The following STAT4 variants were observed in gnomAD, a reference collection of about 807,000 sequenced individuals.
STAT4 encodes signal transducer and activator of transcription 4.
Under a neutral mutation model 110.5 loss-of-function variants are expected in STAT4, and 42 were observed. That is an observed-to-expected ratio of 0.38 (90% confidence interval 0.30 to 0.49). The LOEUF is 0.49. STAT4 is among the 20% of genes least tolerant of loss of function. STAT4 has a pLI of 0.95. For missense variants in STAT4, 632 were observed against 887.9 expected, an observed-to-expected ratio of 0.71 and a Z score of 3.66; for synonymous variants, 284 against 302.2, an observed-to-expected ratio of 0.94 and a Z score of 0.63.
At chr2:191,097,063 G>A (rs184318730) in intron 3 of STAT4, among the ~76,000 whole-genome samples, 97 of 152,242 alleles carry the variant, frequency 6.4e-4, no homozygotes, top group African/African-American at 2.2e-3. Flanking sequence ...CAACTTACAA[G>A]GGATGTGAAG....
At position 191,148,254 on chromosome 2, in the gene STAT4, T is replaced by C. The variant is rs184103469; in HGVS notation, c.-1-50A>G. The C allele has an allele frequency of 1.9e-3, 3,034 of 1,572,686 alleles. 3 individuals carry two copies. Among genetic ancestry groups the C allele is most frequent in the Non-Finnish European group, 2.4e-3 (2,840 of 1,161,274 alleles). ...AGTTTTAAAATATTGTTCATAGCCC[T>C]AGTACATATTTTCTTCTTTCCTTAG... On this transcript the variant is annotated intron_variant, in intron 1 of 23. Transcript: ENST00000392320.
At position 191,053,867 on chromosome 2, in the gene STAT4, G is replaced by A. The variant is rs188955631; in HGVS notation, c.1251+623C>T. Among the ~76,000 whole-genome samples, 7 of 152,248 alleles carry A rather than the reference G, an allele frequency of 4.6e-5. No individual in the cohort carries two copies. The highest frequency in any genetic ancestry group is 4.8e-5 in the African/African-American group (2 of 41,534). On this transcript the variant is annotated intron_variant, in intron 14 of 23. Transcript: ENST00000392320. This position sits in a 1 kb window ranked among gnomAD's most constrained non-coding sequence, Gnocchi z 4.5. ...CTCCGGGCTGGGCACGGTGGCTCAC[G>A]CCTATAATCCCAGCATTTTGGGAGA...
chr2:191,036,322 A>G (rs753055619), intron 16 of STAT4, 23 bp from the exon 17 acceptor site: 2 of 1,613,100 alleles, frequency 1.2e-6, no homozygotes, highest in Non-Finnish European at 1.7e-6. Flanking sequence ...CAAGATGATA[A>G]TTTGTTAATT....
At chr2:191,118,383 C>T (rs914161018) in intron 3 of STAT4, among the ~76,000 whole-genome samples, 1 of 151,958 alleles carries the variant, frequency 6.6e-6, no homozygotes, top group African/African-American at 2.4e-5. Context: ...ATAATTGGGG[C>T]CTATTTTTTA....
In STAT4 at chr2:191,144,053, T is replaced by C; in HGVS notation, c.273+2560A>G. ...GGAAGCACAAGAAAGAGCAAGTGTT[T>C]TTTTCAACTCAAATATCTTAATTCA... On this transcript the variant is annotated intron_variant, in intron 3 of 23. Coordinates refer to ENST00000392320, the MANE Select transcript of STAT4 (RefSeq NM_003151.4). The surrounding 1 kb of genome is among the most constrained non-coding windows in gnomAD (Gnocchi z 4.7). Among the ~76,000 whole-genome samples, 1 of 152,204 alleles carries C rather than the reference T, an allele frequency of 6.6e-6. No homozygotes were observed. The highest frequency in any genetic ancestry group is 1.9e-4 in the East Asian group (1 of 5,198).
At chr2:191,111,845 G>A (rs113513767) in intron 3 of STAT4, among the ~76,000 whole-genome samples, 6 of 152,242 alleles carry the variant, frequency 3.9e-5, no homozygotes, top group African/African-American at 7.2e-5. Flanking sequence ...GAGCAACAGG[G>A]AAAGACCCTA....
chr2:191,129,110 A>G (rs1052756585), intron 3 of STAT4, among the ~76,000 whole-genome samples: 1 of 152,234 alleles, frequency 6.6e-6, no homozygotes, highest in African/African-American at 2.4e-5. Flanking sequence ...TTTGCTGACT[A>G]AATAAAATTT....
intron 5 of STAT4, among the ~76,000 whole-genome samples, chr2:191,072,508 T>A (rs1697194177): frequency 6.6e-6 from 1 of 152,232 alleles, no homozygotes. Flanking sequence ...TATGGGACTG[T>A]TGATCTTTAA....
chr2:191,129,004 A>G (rs940137192), intron 3 of STAT4, among the ~76,000 whole-genome samples: 1 of 152,162 alleles, frequency 6.6e-6, no homozygotes, highest in Non-Finnish European at 1.5e-5. Context: ...AAGCAATTAA[A>G]TGTGAATTTT....
chr2:191,031,481 C>T lies in STAT4; in HGVS notation c.2080G>A (p.Val694Ile). The change falls in exon 22 of 24, where the codon GTT (valine) becomes ATT (isoleucine). Residue 694 changes from valine to isoleucine, a missense_variant. By Grantham distance (29) the Val-to-Ile change is conservative (BLOSUM62 3). Around this residue, in one of 4 missense-constraint regions of STAT4, gnomAD observed 32 missense variants for 67.6 expected, o/e 0.47. Transcript: ENST00000392320. This position sits in a 1 kb window ranked among gnomAD's most constrained non-coding sequence, Gnocchi z 4.8. ...GAGATGGGGATAAAAACAGAAGGAA[C>T]ATAACCTTTGTCACCCCTTTCTGTT... is the stretch of plus-strand genomic sequence containing the variant. Reference protein sequence around the residue: ...RPTERGDKGYVPSVFIPISTI... With the variant: ...RPTERGDKGYIPSVFIPISTI... The T allele has an allele frequency of 6.2e-7, 1 of 1,613,304 alleles. No homozygotes were observed.
At chr2:191,038,232 C>CTGGTAAG (rs1696096625) in intron 16 of STAT4, among the ~76,000 whole-genome samples, 1 of 152,082 alleles carries the variant, frequency 6.6e-6, no homozygotes, top group African/African-American at 2.4e-5. Context: ...GGCGATTTCT[C>CTGGTAAG]TGGTAAGTTC....
chr2:191,036,417 G>C (rs1481758712), intron 16 of STAT4, 118 bp from the exon 17 acceptor site: 2 of 1,070,446 alleles, frequency 1.9e-6, no homozygotes, highest in Non-Finnish European at 1.3e-6. Flanking sequence ...AGTGTTGGGT[G>C]ACTATTAGGT....
At position 191,034,563 on chromosome 2, in the gene STAT4, C is replaced by T. The variant is rs1218110907; in HGVS notation, c.1605G>A (p.Trp535Ter). The change falls in exon 18 of 24, where the codon TGG becomes TGA. Residue 535 changes from tryptophan (W) to a stop codon, truncating the protein, a stop_gained. Transcript: ENST00000392320. LOFTEE classifies it high-confidence loss of function. Reference protein sequence around the residue: ...QSSYSDGHLTWAKFCKEHLPG... With the variant: ...QSSYSDGHLT ...CCGTTTGTACCTTGCAGAACTTGGC[C>T]CAGGTGAGGTGACCATCACTGTAGC... 1.2e-6 allele frequency: 2 copies of T among 1,613,528 alleles called. No individual in the cohort carries two copies. Among genetic ancestry groups the T allele is most frequent in the Non-Finnish European group, 1.7e-6 (2 of 1,179,640 alleles).
chr2:191,127,528 T>A (rs1311443910), intron 3 of STAT4, among the ~76,000 whole-genome samples: 1 of 152,250 alleles, frequency 6.6e-6, no homozygotes, highest in Non-Finnish European at 1.5e-5. Flanking sequence ...GTCTCCATTC[T>A]AGGTAGCAAA....
In STAT4 at chr2:191,032,722, A is replaced by G. The variant is rs1447692428; in HGVS notation, c.2044+236T>C. 3 of 467,920 alleles carry G rather than the reference A, an allele frequency of 6.4e-6. No homozygotes were observed. The highest frequency in any genetic ancestry group is 2.0e-5 in the African/African-American group (1 of 49,510). 29.0% of individuals were successfully genotyped at this position (467,920 alleles called of 1,614,324 possible). On this transcript the variant is annotated intron_variant, in intron 21 of 23. Coordinates refer to ENST00000392320, the MANE Select transcript of STAT4 (RefSeq NM_003151.4). The surrounding 1 kb of genome is among the most constrained non-coding windows in gnomAD (Gnocchi z 4.9). ...GTGGCTATGAGAGGCCCCCATGGCC[A>G]TGGTGAAGTTTAGTTACAGCTGCTT... is the stretch of plus-strand genomic sequence containing the variant.
chr2:191,126,992 T>A (rs577810287), intron 3 of STAT4, among the ~76,000 whole-genome samples: 1 of 152,192 alleles, frequency 6.6e-6, no homozygotes, highest in East Asian at 1.9e-4. Flanking sequence ...GCTAATTTTT[T>A]AATCTTTTTT....
At chr2:191,115,347 CAG>C (rs1018987535) in intron 3 of STAT4, among the ~76,000 whole-genome samples, 5 of 152,172 alleles carry the variant, frequency 3.3e-5, no homozygotes, top group African/African-American at 1.2e-4. Flanking sequence ...GTTCAAGGCT[CAG>C]AGAGGAAAAT....
rs994132544 is a variant in STAT4 at position 191,059,218 on chromosome 2, G to A, written c.1035-449C>T. Among the ~76,000 whole-genome samples, 1 of 152,070 alleles carries A rather than the reference G, an allele frequency of 6.6e-6. No individual in the cohort carries two copies. The highest frequency in any genetic ancestry group is 2.4e-5 in the African/African-American group (1 of 41,400). On this transcript the variant is annotated intron_variant, in intron 10 of 23. Transcript: ENST00000392320. This position sits in a 1 kb window ranked among gnomAD's most constrained non-coding sequence, Gnocchi z 4.7. ...GTGAACATACTAAGACAGAACTGTA[G>A]TAAAATATGGAAAATCCCAACTTGA...
chr2:191,090,630 C>T lies in STAT4; in HGVS notation c.274-14305G>A, dbSNP rs143515146. 4.3e-3 allele frequency among the ~76,000 whole-genome samples: 656 copies of T among 152,170 alleles called. 7 individuals carry two copies. Among genetic ancestry groups the T allele is most frequent in the African/African-American group, 0.015 (609 of 41,506 alleles). ...GACTGGAGTGCAGTGGCGCGATCTC[C>T]GCCCACTGCAACCTCTGCCTCCTGA... On this transcript the variant is annotated intron_variant, in intron 3 of 23. Transcript: ENST00000392320. The surrounding 1 kb of genome is among the most constrained non-coding windows in gnomAD (Gnocchi z 4.2).
Sources: gnomAD v4.1 joint callset for allele counts (sites outside exome capture counted in the v4.1 genomes callset) on GRCh38, gnomAD v4.1.1 for gene constraint, gnomAD v4.1.1 regional missense constraint, Gnocchi (gnomAD v3.1) non-coding constraint, MANE v1.5 for transcripts, NCBI Gene and HGNC (gene_info 2026-07-23, HGNC 2026-07-21) for gene names.